GRM1: variants seen among roughly 807,000 people sequenced by gnomAD.
The protein encoded by GRM1 is glutamate metabotropic receptor 1, also known as metabotropic glutamate receptor 1.
Under a neutral mutation model 90.9 loss-of-function variants are expected in GRM1, and 33 were observed. The observed-to-expected ratio is 0.36, with a 90% confidence interval of 0.28 to 0.49. The LOEUF (loss-of-function observed/expected upper bound fraction) is 0.49, where lower values mean the gene tolerates loss of function less well. Among genes scored for constraint, GRM1 ranks in the 20% least tolerant of loss-of-function variants. The pLI is 0.99. For synonymous variants in GRM1, 700 were observed against 613.2 expected (o/e 1.14, Z -2.09); for missense variants, 1,190 against 1,534.3 (o/e 0.78, Z 3.75).
chr6:146,354,605 G>A (rs1463821093), intron 4 of GRM1, among the ~76,000 whole-genome samples: 1 of 151,902 alleles, frequency 6.6e-6, no homozygotes, highest in African/African-American at 2.4e-5. Flanking sequence ...CAATTGGTTG[G>A]CATAATCCGT....
chr6:146,352,930 C>G (rs13210898), intron 4 of GRM1, among the ~76,000 whole-genome samples: 52 of 152,160 alleles, frequency 3.4e-4, no homozygotes, highest in Non-Finnish European at 6.9e-4. Flanking sequence ...TTAAAGAGCT[C>G]AGTATGCAAA....
chr6:146,366,222 T>A (rs1775681170), intron 5 of GRM1, among the ~76,000 whole-genome samples: 1 of 152,198 alleles, frequency 6.6e-6, no homozygotes, highest in African/African-American at 2.4e-5. Context: ...TGACACATAA[T>A]AATCGTACAT....
At chr6:146,212,237 G>A (rs1272103650) in intron 2 of GRM1, among the ~76,000 whole-genome samples, 1 of 152,214 alleles carries the variant, frequency 6.6e-6, no homozygotes, top group African/African-American at 2.4e-5. Flanking sequence ...ACTGGGGACT[G>A]TAGCCTAGCT....
chr6:146,181,901 AAG>A (rs1206986310), intron 2 of GRM1, among the ~76,000 whole-genome samples: 16 of 152,152 alleles, frequency 1.1e-4, no homozygotes. Context: ...TATAGTTAAT[AAG>A]AGCATACAAA....
chr6:146,057,444 C>A (rs959312775), intron 1 of GRM1, among the ~76,000 whole-genome samples: 1 of 151,972 alleles, frequency 6.6e-6, no homozygotes, highest in Non-Finnish European at 1.5e-5. Context: ...TTTTGAATTT[C>A]CATTTTATCT....
chr6:146,088,617 A>G (rs903600608), intron 1 of GRM1, among the ~76,000 whole-genome samples: 1 of 152,140 alleles, frequency 6.6e-6, no homozygotes, highest in African/African-American at 2.4e-5. Context: ...TTTAAGTCTT[A>G]CCAGGATGCC....
intron 1 of GRM1, among the ~76,000 whole-genome samples, chr6:146,084,065 G>A (rs1021750742): frequency 1.3e-5 from 2 of 151,994 alleles, no homozygotes; most frequent in Admixed American, 1.3e-4. Context: ...TATTTCTGTG[G>A]GGTCAGTGGT....
intron 2 of GRM1, among the ~76,000 whole-genome samples, chr6:146,204,952 T>C (rs1210422298): frequency 6.6e-6 from 1 of 152,262 alleles, no homozygotes; most frequent in African/African-American, 2.4e-5. Context: ...CTTTGTTTCA[T>C]AGGGTCCTTG....
At chr6:146,071,675 A>G (rs765739584) in intron 1 of GRM1, among the ~76,000 whole-genome samples, 5 of 152,252 alleles carry the variant, frequency 3.3e-5, no homozygotes, top group Non-Finnish European at 4.4e-5. Flanking sequence ...TGAGATCCAC[A>G]CTTATTAGGG....
intron 2 of GRM1, among the ~76,000 whole-genome samples, chr6:146,177,984 C>T (rs1778394964): frequency 6.6e-6 from 1 of 152,152 alleles, no homozygotes. Flanking sequence ...CACTCAATTT[C>T]CCTTAGTAAG....
At chr6:146,310,220 A>C (rs1783726753) in intron 3 of GRM1, among the ~76,000 whole-genome samples, 1 of 152,222 alleles carries the variant, frequency 6.6e-6, no homozygotes, top group Admixed American at 6.5e-5. Flanking sequence ...TGCCATTCAC[A>C]ATTTTAGACT....
chr6:146,065,114 C>A (rs1775803514), intron 1 of GRM1, among the ~76,000 whole-genome samples: 1 of 152,124 alleles, frequency 6.6e-6, no homozygotes. Context: ...TGAACCCTTC[C>A]TTGATCTCTA....
At chr6:146,192,828 A>G (rs1487491567) in intron 2 of GRM1, among the ~76,000 whole-genome samples, 1 of 152,230 alleles carries the variant, frequency 6.6e-6, no homozygotes, top group Non-Finnish European at 1.5e-5. Flanking sequence ...CTGACATTTT[A>G]AACAGGCTTT....
intron 1 of GRM1, among the ~76,000 whole-genome samples, chr6:146,068,408 C>T (rs1219211988): frequency 6.6e-6 from 1 of 152,266 alleles, no homozygotes; most frequent in African/African-American, 2.4e-5. Context: ...CCACCGCGCC[C>T]GGCCTCAAAT....
intron 2 of GRM1, among the ~76,000 whole-genome samples, chr6:146,288,462 C>T (rs984679663): frequency 2.6e-5 from 4 of 152,146 alleles, no homozygotes; most frequent in Non-Finnish European, 5.9e-5. Flanking sequence ...GTTACTTATG[C>T]AGTCATGAAC....
chr6:146,320,992 G>A (rs9497525), intron 3 of GRM1, among the ~76,000 whole-genome samples: 4,603 of 151,746 alleles, frequency 0.03, 238 homozygotes, highest in African/African-American at 0.11. Flanking sequence ...TCTGATCTTA[G>A]TTATTTCTTG....
intron 1 of GRM1, among the ~76,000 whole-genome samples, chr6:146,118,374 C>T (rs1293290993): frequency 6.6e-6 from 1 of 152,062 alleles, no homozygotes; most frequent in African/African-American, 2.4e-5. Flanking sequence ...CTCCTGATCT[C>T]GTGATCCACC....
At chr6:146,226,963 G>C (rs1356736274) in intron 2 of GRM1, among the ~76,000 whole-genome samples, 1 of 151,888 alleles carries the variant, frequency 6.6e-6, no homozygotes, top group African/African-American at 2.4e-5. Flanking sequence ...GTTCAGAACT[G>C]TTCATTTGAA....
At chr6:146,118,756 C>A (rs907858972) in intron 1 of GRM1, among the ~76,000 whole-genome samples, 1 of 152,206 alleles carries the variant, frequency 6.6e-6, no homozygotes, top group East Asian at 1.9e-4. Context: ...CATGTCCCTA[C>A]AAAGGACATG....
Sources: gnomAD v4.1 joint callset for allele counts (sites outside exome capture counted in the v4.1 genomes callset) on GRCh38, gnomAD v4.1.1 for gene constraint, MANE v1.5 for transcripts, NCBI Gene and HGNC (gene_info 2026-07-23, HGNC 2026-07-21) for gene names.